The following ASB7 variants were observed in gnomAD, a reference collection of about 807,000 sequenced individuals.
ASB7 encodes the protein ankyrin repeat and SOCS box protein 7.
ASB7 carries 4 observed loss-of-function variants against 32.5 expected under a neutral mutation model. The ratio of observed to expected loss-of-function variants is 0.12; its 90% CI spans 0.06 to 0.28. ASB7 has a LOEUF of 0.28. Among genes scored for constraint, ASB7 ranks in the 10% least tolerant of loss-of-function variants. ASB7 has a pLI of 1.00. For missense variants in ASB7, 181 were observed against 407.1 expected (o/e 0.44, Z 4.78); for synonymous variants, 172 against 155.6 (o/e 1.11, Z -0.78).
At chr15:100,619,790 G>C (rs2039775362) in intron 4 of ASB7, among the ~76,000 whole-genome samples, 1 of 152,222 alleles carries the variant, frequency 6.6e-6, no homozygotes, top group Admixed American at 6.5e-5. Flanking sequence ...TGTGACCACA[G>C]GCAGCCTGGT....
chr15:100,640,588 G>T (rs979870998), intron 5 of ASB7, among the ~76,000 whole-genome samples: 5 of 152,122 alleles, frequency 3.3e-5, no homozygotes, highest in African/African-American at 1.2e-4. Flanking sequence ...TTCTTCCTTT[G>T]TGCCTCCCTC....
intron 5 of ASB7, chr15:100,645,630 G>A (rs1051276455): frequency 1.8e-5 from 17 of 970,754 alleles, no homozygotes; most frequent in South Asian, 5.1e-5. Flanking sequence ...GTAGGAGACC[G>A]TTTTACTGAT....
intron 4 of ASB7, 78 bp downstream of exon 4, chr15:100,612,505 A>T: frequency 2.3e-6 from 3 of 1,305,864 alleles, no homozygotes; most frequent in Non-Finnish European, 3.3e-6. Flanking sequence ...TCTATTTGTA[A>T]TTTTTAATGC....
chr15:100,621,793 G>A (rs2039794424), intron 4 of ASB7, among the ~76,000 whole-genome samples: 1 of 151,520 alleles, frequency 6.6e-6, no homozygotes, highest in South Asian at 2.1e-4. Flanking sequence ...GAAGATAGAT[G>A]GAACTAAAAA....
At chr15:100,634,185 C>G (rs1335520745) in intron 5 of ASB7, among the ~76,000 whole-genome samples, 1 of 152,170 alleles carries the variant, frequency 6.6e-6, no homozygotes, top group East Asian at 1.9e-4. Flanking sequence ...TTCTTCCTCA[C>G]AGGGTAAACT....
At chr15:100,648,237 C>G in intron 5 of ASB7, 86 bp from the exon 6 acceptor site, 1 of 1,371,990 alleles carries the variant, frequency 7.3e-7, no homozygotes, top group East Asian at 2.5e-5. Flanking sequence ...GAGAGAACTT[C>G]CAGGGAAATG....
intron 5 of ASB7, among the ~76,000 whole-genome samples, chr15:100,644,793 G>A (rs963893544): frequency 6.6e-6 from 1 of 151,360 alleles, no homozygotes; most frequent in African/African-American, 2.4e-5. Flanking sequence ...GATCTGAAAG[G>A]TGGAGGAGAC....
chr15:100,638,919 C>T (rs938400459), intron 5 of ASB7, among the ~76,000 whole-genome samples: 2 of 152,144 alleles, frequency 1.3e-5, no homozygotes, highest in African/African-American at 4.8e-5. Context: ...TAAACTCTCA[C>T]TTATGAGTGA....
rs149959323 is a variant in ASB7, at chr15:100,634,699, G to A, written c.817+4657G>A. On this transcript the variant is annotated intron_variant, in intron 5 of 5. Transcript: ENST00000332783. ...CGCACCTATTGTCCCCGCTACTCAC[G>A]AGGCTGAGGCAGGAGAATCTCTTGA... 5.9e-5 allele frequency among the ~76,000 whole-genome samples: 9 copies of A among 152,296 alleles called. No homozygotes were observed. In the East Asian group the frequency reaches 1.5e-3, roughly 26 times the overall value.
At chr15:100,609,898 T>A (rs1272630006) in intron 3 of ASB7, 70 bp downstream of exon 3, 1 of 152,218 alleles carries the variant, frequency 6.6e-6, no homozygotes, top group Non-Finnish European at 1.5e-5. Context: ...TTTACTTCTC[T>A]CTTAAATCAG....
intron 2 of ASB7, among the ~76,000 whole-genome samples, chr15:100,607,508 A>G (rs563923261): frequency 4.6e-5 from 7 of 152,326 alleles, no homozygotes; most frequent in African/African-American, 1.4e-4. Flanking sequence ...GACAGGGATC[A>G]TGTGTGCATG....
In ASB7 at chr15:100,649,143, A is replaced by C. The variant is rs1051324706; in HGVS notation, c.*681A>C. ...CCTGAGACACTGCATCTCGATTTCTATCTCTAGTTAGAGTTGTACTTTTAA... is the reference window on the plus strand; with the variant it reads ...CCTGAGACACTGCATCTCGATTTCTCTCTCTAGTTAGAGTTGTACTTTTAA... On this transcript the variant is annotated 3_prime_UTR_variant, in exon 6 of 6. Coordinates refer to ENST00000332783, the MANE Select transcript of ASB7 (RefSeq NM_198243.3). 6.6e-6 allele frequency: 1 copy of C among 152,388 alleles called. No individual in the cohort carries two copies. The highest frequency in any genetic ancestry group is 1.5e-5 in the Non-Finnish European group (1 of 68,008). The allele number at this position is 152,388 out of a possible 1,614,324, so 9.4% of individuals were successfully genotyped here.
In ASB7 at chr15:100,612,436, T is replaced by C. The variant is rs758825555; in HGVS notation, c.211+9T>C. 2 of 1,588,074 alleles carry C rather than the reference T, an allele frequency of 1.3e-6. No individual in the cohort carries two copies. The highest frequency in any genetic ancestry group is 8.6e-7 in the Non-Finnish European group (1 of 1,156,126). ...TTTTCTAGAACACGGAGGTGAGTTT[T>C]GTAGAAGCAAATCTTTTTCCCCATG... On this transcript the variant is annotated intron_variant, in intron 4 of 5. Coordinates refer to ENST00000332783, the MANE Select transcript of ASB7 (RefSeq NM_198243.3).
intron 4 of ASB7, among the ~76,000 whole-genome samples, chr15:100,624,089 G>A (rs2141396402): frequency 6.6e-6 from 1 of 152,254 alleles, no homozygotes; most frequent in East Asian, 1.9e-4. Context: ...TCACTCATGT[G>A]GAAGCTAAAA....
rs111728739 is a variant in ASB7, at chr15:100,612,205, G to T, written c.-12G>T. Reference sequence around the variant, plus strand: ...CCTAATGAATCCTTTGTAAAAAGTGGACTCAGCTAGGATGTTACACCATCA... The same window carrying T: ...CCTAATGAATCCTTTGTAAAAAGTGTACTCAGCTAGGATGTTACACCATCA... On this transcript the variant is annotated 5_prime_UTR_variant, in exon 4 of 6. Coordinates refer to ENST00000332783, the MANE Select transcript of ASB7 (RefSeq NM_198243.3). 2 of 1,605,052 alleles carry T rather than the reference G, an allele frequency of 1.2e-6. No individual in the cohort carries two copies.
intron 5 of ASB7, chr15:100,645,667 G>A (rs1597013707): frequency 8.0e-6 from 11 of 1,381,746 alleles, no homozygotes; most frequent in East Asian, 4.6e-5. Context: ...GTGAGGTTAG[G>A]GACGGCAACA....
At chr15:100,647,030 A>G (rs953401123) in intron 5 of ASB7, among the ~76,000 whole-genome samples, 1 of 147,098 alleles carries the variant, frequency 6.8e-6, no homozygotes. Context: ...TTCTTGTTAA[A>G]TTTTTTTTTG....
At chr15:100,626,700 A>C (rs2039841823) in intron 4 of ASB7, among the ~76,000 whole-genome samples, 1 of 152,082 alleles carries the variant, frequency 6.6e-6, no homozygotes, top group Admixed American at 6.5e-5. Context: ...AATAGGCTCA[A>C]ATTGGTAAGA....
chr15:100,617,227 C>T (rs2039751476), intron 4 of ASB7, among the ~76,000 whole-genome samples: 1 of 152,162 alleles, frequency 6.6e-6, no homozygotes, highest in Non-Finnish European at 1.5e-5. Context: ...CAACCAGTCT[C>T]CAAATAATGT....
Sources: allele counts gnomAD v4.1 joint callset (sites outside exome capture counted in the v4.1 genomes callset), GRCh38; gene constraint gnomAD v4.1.1; transcripts MANE v1.5; gene names NCBI Gene and HGNC (gene_info 2026-07-23, HGNC 2026-07-21).